Variants in C1orf87 observed in about 807,000 individuals in gnomAD.
C1orf87 encodes the protein uncharacterized protein C1orf87.
In C1orf87, 58 loss-of-function variants were observed where a neutral mutation model predicts 60.5. The ratio of observed to expected loss-of-function variants is 0.96; its 90% CI spans 0.78 to 1.19. The LOEUF (loss-of-function observed/expected upper bound fraction) is 1.19. C1orf87 is among the 50% of genes most tolerant of loss of function. The pLI, the probability that C1orf87 is intolerant of heterozygous loss-of-function variation, is 0.00. For missense variants in C1orf87, 673 were observed against 638.6 expected (o/e 1.05, Z -0.58); for synonymous variants, 236 against 227.4 (o/e 1.04, Z -0.34).
At chr1:59,993,003 G>A (rs2100230048) in intron 11 of C1orf87, among the ~76,000 whole-genome samples, 1 of 152,206 alleles carries the variant, frequency 6.6e-6, no homozygotes, top group Middle Eastern at 3.4e-3. Context: ...GTCCTGTCTA[G>A]CTTTGCTTCC....
chr1:60,047,394 C>T (rs1349264715), intron 3 of C1orf87, among the ~76,000 whole-genome samples: 1 of 152,042 alleles, frequency 6.6e-6, no homozygotes, highest in Non-Finnish European at 1.5e-5. Flanking sequence ...ATGTCGCTTT[C>T]AACTGTGGGA....
At chr1:60,030,163 G>T (rs542456589) in intron 7 of C1orf87, among the ~76,000 whole-genome samples, 2 of 152,242 alleles carry the variant, frequency 1.3e-5, no homozygotes, top group South Asian at 4.1e-4. Flanking sequence ...AAAGTCTGTT[G>T]TCCTCAGTGC....
intron 10 of C1orf87, among the ~76,000 whole-genome samples, chr1:60,000,227 G>T (rs957055089): frequency 1.3e-5 from 2 of 152,266 alleles, no homozygotes; most frequent in Non-Finnish European, 1.5e-5. Flanking sequence ...TTTCTAAAAA[G>T]TGGGACAATC....
intron 3 of C1orf87, among the ~76,000 whole-genome samples, chr1:60,047,012 CT>C (rs1190154395): frequency 6.6e-6 from 1 of 152,210 alleles, no homozygotes; most frequent in East Asian, 1.9e-4. Flanking sequence ...ATCTAATTGC[CT>C]TTTTTTGGAT....
chr1:60,038,154 A>G, intron 5 of C1orf87, 47 bp from the exon 6 acceptor site: 8 of 1,215,628 alleles, frequency 6.6e-6, no homozygotes, highest in Non-Finnish European at 6.9e-6. Context: ...ATTTATATGT[A>G]AGGAAAGAGG....
chr1:60,066,158 C>T (rs1363799569), intron 2 of C1orf87, among the ~76,000 whole-genome samples: 2 of 152,122 alleles, frequency 1.3e-5, no homozygotes, highest in African/African-American at 4.8e-5. Flanking sequence ...TTGGTAGTTG[C>T]TGTAGGTTGC....
intron 8 of C1orf87, among the ~76,000 whole-genome samples, chr1:60,015,644 A>G (rs1645119781): frequency 6.6e-6 from 1 of 152,156 alleles, no homozygotes; most frequent in African/African-American, 2.4e-5. Context: ...GTGCACCTAC[A>G]TCCCTGGTGT....
intron 2 of C1orf87, among the ~76,000 whole-genome samples, chr1:60,066,231 A>T (rs932452875): frequency 6.6e-6 from 1 of 152,158 alleles, no homozygotes; most frequent in Non-Finnish European, 1.5e-5. Flanking sequence ...TCATCATTTT[A>T]CAAAAGATTT....
Position 60,010,239 on chromosome 1 carries a change from A to C in C1orf87, c.1192+153T>G, listed in dbSNP as rs76706568. Among the ~76,000 whole-genome samples the C allele has an allele frequency of 0.021, 3,161 of 152,114 alleles. 89 individuals carry two copies. Among genetic ancestry groups the C allele is most frequent in the African/African-American group, 0.072 (2,997 of 41,518 alleles). On this transcript the variant is annotated intron_variant, in intron 9 of 11. Transcript: ENST00000371201. The stretch of plus-strand genomic sequence containing the variant: ...AAAGAATAGCCATTAAGGTGATTCT[A>C]ACCCCCATTTTTCCTTCACTGGGGA...
chr1:60,070,464 C>A (rs1043839196), intron 2 of C1orf87, among the ~76,000 whole-genome samples: 2 of 152,142 alleles, frequency 1.3e-5, no homozygotes, highest in African/African-American at 4.8e-5. Flanking sequence ...TGAGTATAAA[C>A]ACTTTTGGGA....
At position 60,060,948 on chromosome 1, in the gene C1orf87, T is replaced by C. The variant is rs115679987; in HGVS notation, c.108-5510A>G. ...TTTTGCACTTGCATTCTCTCCTGTT[T>C]CGCTTTTGCAAGTCTAAGCAAAATG... is the stretch of plus-strand genomic sequence containing the variant. On this transcript the variant is annotated intron_variant, in intron 2 of 11. Coordinates refer to ENST00000371201, the MANE Select transcript of C1orf87 (RefSeq NM_152377.3). 5.7e-3 allele frequency among the ~76,000 whole-genome samples: 870 copies of C among 152,330 alleles called. 8 individuals carry two copies. The highest frequency in any genetic ancestry group is 0.02 in the African/African-American group (812 of 41,572).
At chr1:60,036,683 C>T (rs1027932194) in intron 6 of C1orf87, among the ~76,000 whole-genome samples, 1 of 152,130 alleles carries the variant, frequency 6.6e-6, no homozygotes, top group Non-Finnish European at 1.5e-5. Context: ...TAGTTGAGGC[C>T]AGGCTTTTGC....
At chr1:60,058,371 T>C (rs1345946723) in intron 2 of C1orf87, among the ~76,000 whole-genome samples, 1 of 152,232 alleles carries the variant, frequency 6.6e-6, no homozygotes, top group Non-Finnish European at 1.5e-5. Context: ...AGGTATGTTG[T>C]ATCTCTATAA....
intron 1 of C1orf87, among the ~76,000 whole-genome samples, chr1:60,072,898 T>A (rs1645594009): frequency 6.6e-6 from 1 of 152,170 alleles, no homozygotes; most frequent in South Asian, 2.1e-4. Context: ...CTTACTCACA[T>A]CACATCACAT....
intron 1 of C1orf87, among the ~76,000 whole-genome samples, chr1:60,073,299 A>G (rs1645596376): frequency 6.6e-6 from 1 of 152,220 alleles, no homozygotes; most frequent in Non-Finnish European, 1.5e-5. Context: ...AGGGAAAATC[A>G]GAAGTTCAGT....
At chr1:60,051,934 G>A (rs1287960692) in intron 3 of C1orf87, among the ~76,000 whole-genome samples, 1 of 152,186 alleles carries the variant, frequency 6.6e-6, no homozygotes, top group Non-Finnish European at 1.5e-5. Flanking sequence ...ACCATTCTGT[G>A]AGACACAGAC....
At chr1:60,041,321 C>T (rs1470737341) in intron 3 of C1orf87, among the ~76,000 whole-genome samples, 190 bp from the exon 4 acceptor site, 3 of 152,202 alleles carry the variant, frequency 2.0e-5, no homozygotes, top group Admixed American at 6.5e-5. Flanking sequence ...ATACCAATTT[C>T]AGCATTATAC....
chr1:60,037,321 T>C (rs1645285138), intron 6 of C1orf87, among the ~76,000 whole-genome samples: 1 of 152,164 alleles, frequency 6.6e-6, no homozygotes, highest in Non-Finnish European at 1.5e-5. Flanking sequence ...TCCTCATGAG[T>C]GCAATTAGTG....
At chr1:60,055,772 T>C (rs1175903841) in intron 2 of C1orf87, among the ~76,000 whole-genome samples, 1 of 152,136 alleles carries the variant, frequency 6.6e-6, no homozygotes, top group Non-Finnish European at 1.5e-5. Context: ...ATGTAACAGG[T>C]ATTTTCAGCC....
Sources: gnomAD v4.1 joint callset for allele counts (sites outside exome capture counted in the v4.1 genomes callset) on GRCh38, gnomAD v4.1.1 for gene constraint, MANE v1.5 for transcripts, NCBI Gene and HGNC (gene_info 2026-07-23, HGNC 2026-07-21) for gene names.